Variants in TRIM44 observed in about 807,000 individuals in gnomAD.
TRIM44 encodes the protein tripartite motif-containing protein 44.
A neutral mutation model predicts 37.4 loss-of-function variants in TRIM44; 13 were observed. That is an observed-to-expected ratio of 0.35 (90% CI 0.23 to 0.55). The LOEUF is 0.55. Among genes scored for constraint, TRIM44 ranks in the 20% least tolerant of loss-of-function variants. The pLI, the probability that TRIM44 is intolerant of heterozygous loss-of-function variation, is 0.89. For synonymous variants in TRIM44, 175 were observed against 157.2 expected, an observed-to-expected ratio of 1.11 and a Z score of -0.85; for missense variants, 426 against 437.2, an observed-to-expected ratio of 0.97 and a Z score of 0.23.
intron 2 of TRIM44, among the ~76,000 whole-genome samples, chr11:35,694,078 G>C (rs1344614872): frequency 6.6e-6 from 1 of 152,084 alleles, no homozygotes; most frequent in African/African-American, 2.4e-5. Context: ...TACAATACCA[G>C]ATTTTTTCTC....
chr11:35,687,718 C>T (rs1021334911), intron 2 of TRIM44, among the ~76,000 whole-genome samples: 4 of 152,144 alleles, frequency 2.6e-5, no homozygotes, highest in Non-Finnish European at 4.4e-5. Flanking sequence ...AAGGTTTGAG[C>T]GGTTGCATGA....
chr11:35,743,393 C>T (rs189313470), intron 4 of TRIM44, among the ~76,000 whole-genome samples: 22 of 150,654 alleles, frequency 1.5e-4, no homozygotes, highest in Admixed American at 1.4e-3. Context: ...AGGTTTCTTC[C>T]TCCAGTCACA....
intron 2 of TRIM44, among the ~76,000 whole-genome samples, chr11:35,720,229 T>C (rs539947286): frequency 1.3e-5 from 2 of 152,318 alleles, no homozygotes; most frequent in African/African-American, 2.4e-5. Context: ...TTTCCTCTTA[T>C]AGATCTTGTA....
intron 2 of TRIM44, among the ~76,000 whole-genome samples, chr11:35,696,079 A>G (rs1851693632): frequency 6.6e-6 from 1 of 151,926 alleles, no homozygotes; most frequent in Non-Finnish European, 1.5e-5. Flanking sequence ...ACTTGATACT[A>G]TGAAATAGAA....
intron 1 of TRIM44, among the ~76,000 whole-genome samples, chr11:35,679,003 T>A (rs1386938154): frequency 6.6e-6 from 1 of 151,462 alleles, no homozygotes; most frequent in Non-Finnish European, 1.5e-5. Context: ...TTTTTTTTTT[T>A]AGAAGAATGA....
intron 1 of TRIM44, among the ~76,000 whole-genome samples, chr11:35,683,760 A>G (rs1189238767): frequency 6.6e-6 from 1 of 151,982 alleles, no homozygotes; most frequent in Non-Finnish European, 1.5e-5. Flanking sequence ...ATGTATTATT[A>G]TTATGGCATT....
At chr11:35,685,986 A>G (rs1224399663) in intron 2 of TRIM44, among the ~76,000 whole-genome samples, 2 of 152,218 alleles carry the variant, frequency 1.3e-5, no homozygotes, top group Non-Finnish European at 2.9e-5. Context: ...TCTTAATGCC[A>G]GGGACTGGCA....
At chr11:35,702,321 G>A (rs1030073318) in intron 2 of TRIM44, among the ~76,000 whole-genome samples, 2 of 152,190 alleles carry the variant, frequency 1.3e-5, no homozygotes, top group Non-Finnish European at 2.9e-5. Context: ...GGTGTGGGCG[G>A]CCCGTGCGCA....
chr11:35,663,886 G>A (rs1333427516), intron 1 of TRIM44, 106 bp downstream of exon 1: 4 of 1,374,292 alleles, frequency 2.9e-6, no homozygotes, highest in South Asian at 2.9e-5. Flanking sequence ...TCCCTAAGAA[G>A]CTAGTCTTTC....
intron 2 of TRIM44, among the ~76,000 whole-genome samples, chr11:35,707,628 T>A (rs935495863): frequency 6.8e-6 from 1 of 147,966 alleles, no homozygotes; most frequent in Admixed American, 6.7e-5. Context: ...AACTATCTGT[T>A]CTTTGACAAA....
chr11:35,755,415 G>A (rs1460776314), intron 4 of TRIM44, among the ~76,000 whole-genome samples: 1 of 152,158 alleles, frequency 6.6e-6, no homozygotes, highest in Non-Finnish European at 1.5e-5. Flanking sequence ...CCCTTTGTCA[G>A]ATGAGTAGAT....
chr11:35,691,722 G>A (rs913796266), intron 2 of TRIM44, among the ~76,000 whole-genome samples: 27 of 152,262 alleles, frequency 1.8e-4, no homozygotes, highest in Non-Finnish European at 3.2e-4. Flanking sequence ...TCGAGTTACT[G>A]TAAGCTCCAC....
At chr11:35,727,195 A>G (rs1295587876) in intron 3 of TRIM44, among the ~76,000 whole-genome samples, 1 of 151,892 alleles carries the variant, frequency 6.6e-6, no homozygotes, top group Non-Finnish European at 1.5e-5. Context: ...TATTTCAGCC[A>G]CTAGAGAGAG....
chr11:35,722,141 CT>C (rs1190547922), intron 2 of TRIM44, among the ~76,000 whole-genome samples: 2 of 152,156 alleles, frequency 1.3e-5, no homozygotes, highest in African/African-American at 2.4e-5. Flanking sequence ...CCATTTCCTG[CT>C]TTTTTGTTTT....
chr11:35,761,980 T>C (rs913395614), intron 4 of TRIM44, among the ~76,000 whole-genome samples: 1 of 152,218 alleles, frequency 6.6e-6, no homozygotes, highest in Non-Finnish European at 1.5e-5. Flanking sequence ...CTGGAGAGAT[T>C]TGAGCAGTGC....
At chr11:35,782,443 T>C (rs1853078576) in intron 4 of TRIM44, among the ~76,000 whole-genome samples, 2 of 152,136 alleles carry the variant, frequency 1.3e-5, no homozygotes, top group Admixed American at 6.5e-5. Context: ...AATAAGTAAA[T>C]AAAGGTATGT....
chr11:35,688,782 A>T (rs184445407), intron 2 of TRIM44, among the ~76,000 whole-genome samples: 1 of 152,200 alleles, frequency 6.6e-6, no homozygotes, highest in Non-Finnish European at 1.5e-5. Flanking sequence ...TTTTTATTCA[A>T]TTGGCCTGGG....
chr11:35,724,846 T>C lies in TRIM44; in HGVS notation c.748-1078T>C, dbSNP rs114142643. On this transcript the variant is annotated intron_variant, in intron 2 of 4. Coordinates refer to ENST00000299413, the MANE Select transcript of TRIM44 (RefSeq NM_017583.6). Reference sequence around the variant, plus strand: ...TATGTTGTTGTAGGAATGTAATCAATACATCTTTCTCAGAAGGCACCTTGG... The same window carrying C: ...TATGTTGTTGTAGGAATGTAATCAACACATCTTTCTCAGAAGGCACCTTGG... Among the ~76,000 whole-genome samples the C allele has an allele frequency of 5.1e-3, 783 of 152,336 alleles. 9 individuals are homozygous for C. Among genetic ancestry groups the C allele is most frequent in the African/African-American group, 0.018 (744 of 41,576 alleles).
At chr11:35,759,251 G>C (rs1017916850) in intron 4 of TRIM44, among the ~76,000 whole-genome samples, 2 of 151,938 alleles carry the variant, frequency 1.3e-5, no homozygotes, top group Admixed American at 6.6e-5. Flanking sequence ...TCATTCATTT[G>C]ATCTTCCATC....
Sources: allele counts gnomAD v4.1 joint callset (sites outside exome capture counted in the v4.1 genomes callset), GRCh38; gene constraint gnomAD v4.1.1; transcripts MANE v1.5; gene names NCBI Gene and HGNC (gene_info 2026-07-23, HGNC 2026-07-21).